The following TYW1 variants were observed in gnomAD, a reference collection of about 807,000 sequenced individuals.
The protein encoded by TYW1 is tRNA-yW synthesizing protein 1 homolog, also known as S-adenosyl-L-methionine-dependent tRNA 4-demethylwyosine synthase TYW1.
In TYW1, 46 loss-of-function variants were observed where a neutral mutation model predicts 96.2. The ratio of observed to expected loss-of-function variants is 0.48; its 90% CI spans 0.38 to 0.61. The LOEUF (loss-of-function observed/expected upper bound fraction) is 0.61, where lower values mean the gene tolerates loss of function less well. TYW1 is among the 20% of genes least tolerant of loss of function. TYW1 has a pLI of 0.00. For missense variants in TYW1, 684 were observed against 909.6 expected, an observed-to-expected ratio of 0.75 and a Z score of 3.19; for synonymous variants, 274 against 323.0, an observed-to-expected ratio of 0.85 and a Z score of 1.63.
chr7:67,117,278 T>G (rs1797624126), intron 12 of TYW1, among the ~76,000 whole-genome samples: 1 of 152,186 alleles, frequency 6.6e-6, no homozygotes, highest in Admixed American at 6.6e-5. Flanking sequence ...AGGGATGGTT[T>G]CCAGTCATTT....
intron 15 of TYW1, among the ~76,000 whole-genome samples, chr7:67,226,348 C>A (rs908725680): frequency 2.0e-5 from 3 of 152,156 alleles, no homozygotes; most frequent in Non-Finnish European, 2.9e-5. Flanking sequence ...CAGCTGGAGG[C>A]TACAAGATTC....
intron 12 of TYW1, among the ~76,000 whole-genome samples, chr7:67,105,099 T>C (rs34358145): frequency 1.3e-5 from 2 of 152,230 alleles, no homozygotes; most frequent in African/African-American, 2.4e-5. Flanking sequence ...GCAAGCCCCA[T>C]TGCACGAGCA....
At chr7:67,155,791 G>A (rs961584710) in intron 13 of TYW1, among the ~76,000 whole-genome samples, 3 of 152,104 alleles carry the variant, frequency 2.0e-5, no homozygotes, top group Admixed American at 1.3e-4. Context: ...CTTCCTCATC[G>A]TTCTTGTGTC....
intron 7 of TYW1, among the ~76,000 whole-genome samples, chr7:67,046,717 C>G (rs1795199075): frequency 6.6e-6 from 1 of 152,196 alleles, no homozygotes. Context: ...CATTTCTTTT[C>G]AGAAACGAAA....
chr7:67,089,113 AG>A, intron 11 of TYW1: 1 of 409,044 alleles, frequency 2.4e-6, no homozygotes, highest in Non-Finnish European at 4.3e-6. Flanking sequence ...TTTAACAAAT[AG>A]CCCCAGGGAC....
chr7:67,002,314 T>C (rs1434415561), intron 3 of TYW1, among the ~76,000 whole-genome samples: 1 of 150,962 alleles, frequency 6.6e-6, no homozygotes, highest in Non-Finnish European at 1.5e-5. Flanking sequence ...ATTACAGGCA[T>C]GAACCACTAT....
intron 15 of TYW1, among the ~76,000 whole-genome samples, chr7:67,201,578 G>C (rs189912158): frequency 0.063 from 9,582 of 151,284 alleles, 409 homozygotes; most frequent in South Asian, 0.1. Flanking sequence ...GATGTTACTT[G>C]CATATTTATT....
At chr7:67,134,028 A>G (rs2690147) in intron 13 of TYW1, among the ~76,000 whole-genome samples, 41,974 of 151,218 alleles carry the variant, frequency 0.28, 6,655 homozygotes, top group African/African-American at 0.44. Flanking sequence ...AGCAGCATCA[A>G]CTCCAGACTT....
At chr7:67,170,713 A>G (rs1799490271) in intron 13 of TYW1, among the ~76,000 whole-genome samples, 1 of 152,114 alleles carries the variant, frequency 6.6e-6, no homozygotes, top group South Asian at 2.1e-4. Context: ...TTCTGTTACT[A>G]TGGATATAGC....
intron 15 of TYW1, among the ~76,000 whole-genome samples, chr7:67,237,393 G>A (rs1238378499): frequency 1.3e-5 from 2 of 151,842 alleles, no homozygotes; most frequent in Non-Finnish European, 2.9e-5. Context: ...CCAGCTACTC[G>A]GGAGGCTGAG....
intron 12 of TYW1, among the ~76,000 whole-genome samples, chr7:67,105,543 T>A (rs530168146): frequency 6.6e-6 from 1 of 152,308 alleles, no homozygotes; most frequent in Non-Finnish European, 1.5e-5. Context: ...GAAAAGATGA[T>A]CTGGCAAAAG....
At chr7:67,173,182 A>G (rs934860320) in intron 13 of TYW1, among the ~76,000 whole-genome samples, 17 of 152,138 alleles carry the variant, frequency 1.1e-4, no homozygotes, top group South Asian at 2.1e-4. Context: ...ATGTGTTTTT[A>G]TAACTTTTTT....
chr7:67,204,397 T>C (rs1187245579), intron 15 of TYW1, among the ~76,000 whole-genome samples: 1 of 152,110 alleles, frequency 6.6e-6, no homozygotes, highest in Admixed American at 6.5e-5. Flanking sequence ...ATTTTAGTTA[T>C]TGTATTTTTC....
At chr7:67,080,674 C>T (rs1241962382) in intron 10 of TYW1, among the ~76,000 whole-genome samples, 1 of 152,152 alleles carries the variant, frequency 6.6e-6, no homozygotes, top group Non-Finnish European at 1.5e-5. Context: ...GATGGGATTA[C>T]AGGCGTGAGC....
intron 12 of TYW1, among the ~76,000 whole-genome samples, chr7:67,112,480 G>A (rs1229756450): frequency 6.6e-6 from 1 of 152,022 alleles, no homozygotes; most frequent in African/African-American, 2.4e-5. Context: ...GGCAGGTGTG[G>A]TGGTGCGTGC....
intron 13 of TYW1, among the ~76,000 whole-genome samples, chr7:67,150,297 C>A (rs568294296): frequency 6.6e-6 from 1 of 152,224 alleles, no homozygotes; most frequent in South Asian, 2.1e-4. Context: ...AGTAGAGAAG[C>A]AGAGTCCACA....
chr7:67,055,049 G>A (rs1394228318), intron 8 of TYW1, among the ~76,000 whole-genome samples: 1 of 152,128 alleles, frequency 6.6e-6, no homozygotes, highest in Admixed American at 6.5e-5. Context: ...GATTACTGAT[G>A]ATAGCTCCCC....
At chr7:67,209,612 A>G (rs1051831342) in intron 15 of TYW1, among the ~76,000 whole-genome samples, 2 of 152,076 alleles carry the variant, frequency 1.3e-5, no homozygotes, top group African/African-American at 4.8e-5. Flanking sequence ...TTACTCTGTC[A>G]CCCAGATTGG....
rs1216641610 is a variant in TYW1, at chr7:67,116,112, G to A, written c.1563-1371G>A. Among the ~76,000 whole-genome samples, 4 of 152,104 alleles carry A rather than the reference G, an allele frequency of 2.6e-5. No individual in the cohort carries two copies. In the East Asian group the frequency reaches 5.8e-4, roughly 22 times the overall value. Reference sequence around the variant, plus strand: ...AGGCCAAGGTGTGTGGATCACCTGAGGTCAGGAGTTCAAGACCAGCCTGGC... The same window carrying A: ...AGGCCAAGGTGTGTGGATCACCTGAAGTCAGGAGTTCAAGACCAGCCTGGC... On this transcript the variant is annotated intron_variant, in intron 12 of 15. Transcript: ENST00000359626.
Sources: gnomAD v4.1 joint callset for allele counts (sites outside exome capture counted in the v4.1 genomes callset) on GRCh38, gnomAD v4.1.1 for gene constraint, MANE v1.5 for transcripts, NCBI Gene and HGNC (gene_info 2026-07-23, HGNC 2026-07-21) for gene names.